LHX6: variants seen among roughly 807,000 people sequenced by gnomAD.
LHX6 encodes LIM homeobox 6.
In LHX6, 15 loss-of-function variants were observed where a neutral mutation model predicts 47.1. That is an observed-to-expected ratio of 0.32 (90% CI 0.21 to 0.49). The LOEUF is 0.49. Ranked by LOEUF, LHX6 falls within the 20% of genes least tolerant of loss-of-function variation. The pLI, the probability that LHX6 is intolerant of heterozygous loss-of-function variation, is 0.99. For missense variants in LHX6, 404 were observed against 539.6 expected, an observed-to-expected ratio of 0.75 and a Z score of 2.49; for synonymous variants, 242 against 233.5, an observed-to-expected ratio of 1.04 and a Z score of -0.33.
At chr9:122,223,995 C>T (rs150730088) in intron 4 of LHX6, among the ~76,000 whole-genome samples, 1 of 152,118 alleles carries the variant, frequency 6.6e-6, no homozygotes, top group African/African-American at 2.4e-5. Flanking sequence ...TCCAAGGAGC[C>T]CCCAAGCATC....
Position 122,214,573 on chromosome 9 carries a change from G to A in LHX6, c.683-190C>T, listed in dbSNP as rs1047302840. ...GGTTTCTGAGCGTCCGCTTAGTACT[G>A]GACACTTCTTACACGACTGGACCAC... On this transcript the variant is annotated intron_variant, in intron 5 of 9. Transcript: ENST00000394319. The surrounding 1 kb of genome is among the most constrained non-coding windows in gnomAD (Gnocchi z 4.6). 13 of 364,812 alleles carry A rather than the reference G, an allele frequency of 3.6e-5. No homozygotes were observed. The South Asian group carries it at 1.3e-3, about 37-fold the overall frequency. The allele number at this position is 364,812 out of a possible 1,614,324, so 22.6% of individuals were successfully genotyped here. A position where few individuals can be genotyped will look rare whatever the true frequency, so the allele number is the denominator to read the frequency against.
In LHX6 at chr9:122,213,650, C is replaced by T. The variant is rs1298888313; in HGVS notation, c.1010G>A (p.Ser337Asn). Residue 337 changes from serine (S) to asparagine (N), a missense_variant, in exon 8 of 10, where the codon AGC becomes AAC. Coordinates refer to ENST00000394319, the MANE Select transcript of LHX6 (RefSeq NM_014368.5). The surrounding 1 kb of genome is among the most constrained non-coding windows in gnomAD (Gnocchi z 5.5). The stretch of plus-strand genomic sequence containing the variant: ...GGTGACCATGCGCGCCCGCTCGGGG[C>T]TGCTGAACGGGGTGTAGTGGATGTC... ...SDDIHYTPFS[S>N]PERARMVTLH... The T allele has an allele frequency of 1.2e-6, 2 of 1,609,904 alleles. No individual in the cohort carries two copies. The highest frequency in any genetic ancestry group is 1.3e-5 in the African/African-American group (1 of 74,900).
Position 122,226,671 on chromosome 9 carries a change from A to G in LHX6, c.340-174T>C, listed in dbSNP as rs1014544868. 1.7e-5 allele frequency: 21 copies of G among 1,254,980 alleles called. No individual in the cohort carries two copies. The highest frequency in any genetic ancestry group is 1.4e-4 in the Admixed American group (5 of 35,670). 77.7% of individuals were successfully genotyped at this position (1,254,980 alleles called of 1,614,324 possible). A position where few individuals can be genotyped will look rare whatever the true frequency, so the allele number is the denominator to read the frequency against. On this transcript the variant is annotated intron_variant, in intron 3 of 9. Transcript: ENST00000394319. This position sits in a 1 kb window ranked among gnomAD's most constrained non-coding sequence, Gnocchi z 6.5. ...AGGGAAATGGAAATAAACTCTTCTT[A>G]TTTTTCAGACGGAACCCGGGGGCTC... is the stretch of plus-strand genomic sequence containing the variant.
chr9:122,226,339 C>T lies in LHX6; in HGVS notation c.461+37G>A, dbSNP rs764209079. The T allele has an allele frequency of 1.3e-5, 20 of 1,592,564 alleles. No individual in the cohort carries two copies. The highest frequency in any genetic ancestry group is 1.7e-5 in the Non-Finnish European group (20 of 1,168,324). Reference sequence around the variant, plus strand: ...GCCTCCGAATGCGCCCGGGGCCTGCCCTCGGCGACACTGCTGGCTCGGCGG... The same window carrying T: ...GCCTCCGAATGCGCCCGGGGCCTGCTCTCGGCGACACTGCTGGCTCGGCGG... On this transcript the variant is annotated intron_variant, in intron 4 of 9. Coordinates refer to ENST00000394319, the MANE Select transcript of LHX6 (RefSeq NM_014368.5). The surrounding 1 kb of genome is among the most constrained non-coding windows in gnomAD (Gnocchi z 6.5).
chr9:122,209,867 T>A, intron 8 of LHX6, 150 bp from the exon 9 acceptor site: 1 of 579,146 alleles, frequency 1.7e-6, no homozygotes, highest in Non-Finnish European at 3.1e-6. Context: ...TCAGTAGGGT[T>A]GGTTGTGATG....
chr9:122,222,302 G>A (rs984398230), intron 4 of LHX6, among the ~76,000 whole-genome samples: 2 of 152,200 alleles, frequency 1.3e-5, no homozygotes, highest in Admixed American at 1.3e-4. Flanking sequence ...CCGGAAAGGA[G>A]CACTATTCTT....
chr9:122,216,047 T>C (rs976443650), intron 5 of LHX6, among the ~76,000 whole-genome samples: 1 of 151,980 alleles, frequency 6.6e-6, no homozygotes, highest in Non-Finnish European at 1.5e-5. Context: ...AGGGCCAAGG[T>C]GGTGTGGTAT....
intron 4 of LHX6, among the ~76,000 whole-genome samples, chr9:122,219,311 G>C (rs896695549): frequency 6.6e-6 from 1 of 152,238 alleles, no homozygotes; most frequent in Non-Finnish European, 1.5e-5. Context: ...AGGAGGCGCA[G>C]AGCACCTTCG....
chr9:122,210,994 G>T (rs1830378284), intron 8 of LHX6, among the ~76,000 whole-genome samples: 1 of 152,224 alleles, frequency 6.6e-6, no homozygotes, highest in African/African-American at 2.4e-5. Context: ...CCAGCACCTA[G>T]AGTGAGGCAT....
Position 122,213,802 on chromosome 9 carries a change from C to T in LHX6, c.880-22G>A. On this transcript the variant is annotated intron_variant, in intron 7 of 9. Transcript: ENST00000394319. This position sits in a 1 kb window ranked among gnomAD's most constrained non-coding sequence, Gnocchi z 5.5. ...ACACCTGGAACGACAGCCTCGGCAG[C>T]CTCAGCCTCGAGGAAAAGAGTCGGA... 1 of 1,563,844 alleles carries T rather than the reference C, an allele frequency of 6.4e-7. No individual in the cohort carries two copies.
intron 8 of LHX6, among the ~76,000 whole-genome samples, chr9:122,210,751 G>T (rs541855800): frequency 1.3e-5 from 2 of 152,160 alleles, no homozygotes; most frequent in African/African-American, 4.8e-5. Flanking sequence ...TTGGTATAGA[G>T]GGGGTTTCAC....
intron 4 of LHX6, chr9:122,221,263 C>G (rs1322748794): frequency 1.0e-6 from 1 of 985,546 alleles, no homozygotes; most frequent in South Asian, 4.7e-5. Flanking sequence ...GAGGTTAAAA[C>G]GACCGCTTCT....
At chr9:122,216,999 G>A in intron 5 of LHX6, 69 bp downstream of exon 5, 1 of 1,342,544 alleles carries the variant, frequency 7.4e-7, no homozygotes, top group East Asian at 2.3e-5. Context: ...GGTGGTTCCT[G>A]GGGTGCTGGG....
intron 8 of LHX6, among the ~76,000 whole-genome samples, chr9:122,212,277 C>A (rs1830425810): frequency 6.6e-6 from 1 of 152,176 alleles, no homozygotes; most frequent in Admixed American, 6.5e-5. Context: ...TGAAGCCTGG[C>A]AATCTGAAAC....
rs1044955166 is a variant in LHX6, at chr9:122,228,488, C to A, written c.84+169G>T. The stretch of plus-strand genomic sequence containing the variant: ...ATAATGTGTTCCCGCTTTCCGCGAC[C>A]CCCCCCCCCCGCTCGCGCGCGCGCT... On this transcript the variant is annotated intron_variant, in intron 1 of 9. Coordinates refer to ENST00000394319, the MANE Select transcript of LHX6 (RefSeq NM_014368.5). The A allele has an allele frequency of 1.5e-5, 19 of 1,291,218 alleles. No homozygotes were observed. The Admixed American group carries it at 6.4e-4, about 44-fold the overall frequency. The allele number at this position is 1,291,218 out of a possible 1,614,324, so 80.0% of individuals were successfully genotyped here. A position where few individuals can be genotyped will look rare whatever the true frequency, so the allele number is the denominator to read the frequency against.
At chr9:122,222,812 A>G (rs1170185732) in intron 4 of LHX6, among the ~76,000 whole-genome samples, 1 of 152,196 alleles carries the variant, frequency 6.6e-6, no homozygotes, top group East Asian at 1.9e-4. Context: ...AGGTTAGAGG[A>G]CCATGGGATC....
At position 122,204,744 on chromosome 9, in the gene LHX6, G is replaced by A. The variant is rs747066054; in HGVS notation, c.*16C>T. ...CTGTGGGGCGCCCACGGGCAGATGC[G>A]GAAGTGCCGGCAGCGTTAGTACTGA... On this transcript the variant is annotated 3_prime_UTR_variant, in exon 10 of 10. Transcript: ENST00000394319. 23 of 1,597,754 alleles carry A rather than the reference G, an allele frequency of 1.4e-5. No homozygotes were observed. Among genetic ancestry groups the A allele is most frequent in the African/African-American group, 6.7e-5 (5 of 74,388 alleles).
chr9:122,218,753 A>T (rs970287842), intron 4 of LHX6, among the ~76,000 whole-genome samples: 1 of 152,000 alleles, frequency 6.6e-6, no homozygotes, highest in East Asian at 1.9e-4. Flanking sequence ...CTAACCTTCA[A>T]GATATGCCGC....
At chr9:122,221,425 G>C (rs1830852761) in intron 4 of LHX6, 1 of 985,474 alleles carries the variant, frequency 1.0e-6, no homozygotes, top group Non-Finnish European at 1.2e-6. Flanking sequence ...CGCTTTGCGG[G>C]AGGGGGTAGG....
Sources: gnomAD v4.1 joint callset for allele counts (sites outside exome capture counted in the v4.1 genomes callset) on GRCh38, gnomAD v4.1.1 for gene constraint, Gnocchi (gnomAD v3.1) non-coding constraint, MANE v1.5 for transcripts, NCBI Gene and HGNC (gene_info 2026-07-23, HGNC 2026-07-21) for gene names.